LARP4B: variants seen among roughly 807,000 people sequenced by gnomAD.
LARP4B encodes La ribonucleoprotein 4B.
LARP4B carries 12 observed loss-of-function variants against 89.8 expected under a neutral mutation model. The observed-to-expected ratio is 0.13, with a 90% CI of 0.09 to 0.22. LARP4B has a LOEUF of 0.22. Among genes scored for constraint, LARP4B ranks in the 10% least tolerant of loss-of-function variants. The pLI, the probability that LARP4B is intolerant of heterozygous loss-of-function variation, is 1.00. For missense variants in LARP4B, 757 were observed against 947.7 expected (o/e 0.80, Z 2.64); for synonymous variants, 367 against 363.3 (o/e 1.01, Z -0.12).
chr10:946,746 C>G, the LARP4B span, among the ~76,000 whole-genome samples: 3 of 152,128 alleles, frequency 2.0e-5, no homozygotes, highest in African/African-American at 7.2e-5. Flanking sequence ...TTTTTTTTAT[C>G]TTACAAGTTC....
intron 5 of LARP4B, among the ~76,000 whole-genome samples, chr10:857,322 A>G (rs945292330): frequency 3.3e-5 from 5 of 152,088 alleles, no homozygotes; most frequent in Non-Finnish European, 7.4e-5. Flanking sequence ...AAGGAGGGGG[A>G]AAAAAACTGT....
At chr10:857,759 T>C (rs1288938309) in intron 5 of LARP4B, among the ~76,000 whole-genome samples, 1 of 152,228 alleles carries the variant, frequency 6.6e-6, no homozygotes, top group East Asian at 1.9e-4. Context: ...TGACAGTAAA[T>C]GTTTTGTGGG....
the LARP4B span, among the ~76,000 whole-genome samples, chr10:958,933 C>G: frequency 6.6e-6 from 1 of 152,164 alleles, no homozygotes; most frequent in Non-Finnish European, 1.5e-5. Flanking sequence ...CGCATTAGAC[C>G]AGAAGGACAA....
chr10:884,516 TG>T lies in LARP4B; in HGVS notation c.82-11del. 1 of 1,584,696 alleles carries T rather than the reference TG, an allele frequency of 6.3e-7. No homozygotes were observed. The highest frequency in any genetic ancestry group is 8.7e-7 in the Non-Finnish European group (1 of 1,153,918). On this transcript the variant is annotated splice_polypyrimidine_tract_variant and intron_variant, in intron 2 of 17. Coordinates refer to ENST00000316157, the MANE Select transcript of LARP4B (RefSeq NM_015155.3). ...ATATAGGACCATTCATCTGTAAAAT[TG>T]AAAACAAAGACAACATCAGTACAAT... is the stretch of plus-strand genomic sequence containing the variant.
intron 5 of LARP4B, among the ~76,000 whole-genome samples, chr10:858,076 T>A (rs1254609028): frequency 1.3e-5 from 2 of 152,044 alleles, no homozygotes; most frequent in Non-Finnish European, 2.9e-5. Flanking sequence ...GAAACAAAAT[T>A]AAAAATTTTT....
At chr10:938,311 T>C in the LARP4B span, among the ~76,000 whole-genome samples, 2 of 147,242 alleles carry the variant, frequency 1.4e-5, no homozygotes, top group East Asian at 2.1e-4. Flanking sequence ...AGTGCAGTGG[T>C]GTGATTTGGG....
the LARP4B span, among the ~76,000 whole-genome samples, chr10:964,173 TC>T: frequency 6.6e-6 from 1 of 152,140 alleles, no homozygotes; most frequent in Non-Finnish European, 1.5e-5. Context: ...TTCAGATGAT[TC>T]TCCTGCCTCA....
intron 1 of LARP4B, among the ~76,000 whole-genome samples, chr10:928,567 T>G (rs548165133): frequency 6.6e-6 from 1 of 152,140 alleles, no homozygotes; most frequent in East Asian, 1.9e-4. Context: ...CATTAACAAT[T>G]TGATGTCCCA....
At chr10:984,319 A>G in the LARP4B span, among the ~76,000 whole-genome samples, 1 of 152,220 alleles carries the variant, frequency 6.6e-6, no homozygotes, top group Non-Finnish European at 1.5e-5. Context: ...TTGGAAATTG[A>G]TCATACAAGC....
chr10:862,422 C>T (rs926102962), intron 5 of LARP4B, among the ~76,000 whole-genome samples: 4 of 152,128 alleles, frequency 2.6e-5, no homozygotes, highest in African/African-American at 9.7e-5. Context: ...CCAGTGCATT[C>T]CCTGGTCACT....
At chr10:870,466 C>T (rs932035106) in intron 3 of LARP4B, among the ~76,000 whole-genome samples, 5 of 152,124 alleles carry the variant, frequency 3.3e-5, no homozygotes, top group African/African-American at 7.2e-5. Context: ...TGTATCTGTC[C>T]GCTAGGGTGG....
intron 3 of LARP4B, among the ~76,000 whole-genome samples, chr10:873,872 T>C (rs1045198969): frequency 6.6e-6 from 1 of 152,166 alleles, no homozygotes; most frequent in African/African-American, 2.4e-5. Context: ...GCAAATATAG[T>C]AAATATATAC....
chr10:937,647 C>T, the LARP4B span, among the ~76,000 whole-genome samples: 3 of 152,024 alleles, frequency 2.0e-5, no homozygotes, highest in Non-Finnish European at 4.4e-5. Context: ...GGCTAAAATT[C>T]ACAAACTTAT....
chr10:872,857 T>C (rs1481884733), intron 3 of LARP4B: 2 of 172,188 alleles, frequency 1.2e-5, no homozygotes, highest in East Asian at 3.8e-4. Context: ...CATACCTTGT[T>C]GAGAATGTAT....
At chr10:836,530 G>T in intron 7 of LARP4B, 24 bp from the exon 8 acceptor site, 1 of 1,423,382 alleles carries the variant, frequency 7.0e-7, no homozygotes. Flanking sequence ...AAAAATCAAT[G>T]GTGAAACAAA....
chr10:829,552 G>A lies in LARP4B; in HGVS notation c.958C>T (p.Pro320Ser). ...AKAIAINTFL[P>S]KNGFRPLDVS... is the part of the protein sequence containing the mutation. ...TCCAGGGGTCTAAATCCATTCTTTG[G>A]CAAAAATGTGTTTATAGCTATTGCC... The change falls in exon 11 of 18, where the codon CCA (proline) becomes TCA (serine). Residue 320 changes from proline (P) to serine (S), a missense_variant. Physicochemically the swap from Pro to Ser is moderately conservative, Grantham distance 74. This residue lies in a region of LARP4B where 137 missense variants were observed against 213.9 expected (regional missense o/e 0.64). Coordinates refer to ENST00000316157, the MANE Select transcript of LARP4B (RefSeq NM_015155.3). 5 of 1,614,074 alleles carry A rather than the reference G, an allele frequency of 3.1e-6. No homozygotes were observed. The highest frequency in any genetic ancestry group is 1.1e-5 in the South Asian group (1 of 91,072).
chr10:827,212 C>A (rs1564387096), intron 11 of LARP4B, among the ~76,000 whole-genome samples: 1 of 151,936 alleles, frequency 6.6e-6, no homozygotes, highest in African/African-American at 2.4e-5. Flanking sequence ...GGAGGCGGAG[C>A]TTGCAGTGAG....
At chr10:881,966 T>G (rs1835684106) in intron 3 of LARP4B, among the ~76,000 whole-genome samples, 1 of 152,204 alleles carries the variant, frequency 6.6e-6, no homozygotes, top group African/African-American at 2.4e-5. Context: ...ATGCAGGCAG[T>G]ACTAGCTGCT....
chr10:852,077 G>C (rs1020956317), intron 5 of LARP4B, among the ~76,000 whole-genome samples: 10 of 151,786 alleles, frequency 6.6e-5, no homozygotes, highest in Admixed American at 5.3e-4. Flanking sequence ...ACTAAACTAA[G>C]TAAGTTTAGT....
Sources: gnomAD v4.1 joint callset for allele counts (sites outside exome capture counted in the v4.1 genomes callset) on GRCh38, gnomAD v4.1.1 for gene constraint, gnomAD v4.1.1 regional missense constraint, MANE v1.5 for transcripts, NCBI Gene and HGNC (gene_info 2026-07-23, HGNC 2026-07-21) for gene names.